GK5: variants seen among roughly 807,000 people sequenced by gnomAD.
GK5 encodes ATP:glycerol 3-phosphotransferase 5.
A neutral mutation model predicts 77.3 loss-of-function variants in GK5; 39 were observed. That is an observed-to-expected ratio of 0.50 (90% CI 0.39 to 0.66). The LOEUF is 0.66. Among genes scored for constraint, GK5 ranks in the 30% least tolerant of loss-of-function variants. The pLI is 0.00. For missense variants in GK5, 487 were observed against 633.8 expected, an observed-to-expected ratio of 0.77 and a Z score of 2.49; for synonymous variants, 211 against 208.0, an observed-to-expected ratio of 1.01 and a Z score of -0.13.
At chr3:142,216,064 C>T (rs538338261) in intron 1 of GK5, among the ~76,000 whole-genome samples, 34 of 152,130 alleles carry the variant, frequency 2.2e-4, no homozygotes, top group Non-Finnish European at 4.3e-4. Flanking sequence ...CTGTCTCTTC[C>T]GCTAAATACA....
chr3:142,171,399 T>G lies in GK5; in HGVS notation c.1307+20A>C. The G allele has an allele frequency of 6.8e-7, 1 of 1,469,626 alleles. No individual in the cohort carries two copies. Among genetic ancestry groups the G allele is most frequent in the Non-Finnish European group, 9.1e-7 (1 of 1,095,448 alleles). 91.0% of individuals were successfully genotyped at this position (1,469,626 alleles called of 1,614,324 possible). On this transcript the variant is annotated intron_variant, in intron 14 of 15. Transcript: ENST00000392993. Reference sequence around the variant, plus strand: ...ACTTCTAATTTCTAATTAAGTCTATTAGAAATAAACTTTACATACCGGATT... The same window carrying G: ...ACTTCTAATTTCTAATTAAGTCTATGAGAAATAAACTTTACATACCGGATT...
chr3:142,162,633 C>T lies in GK5; in HGVS notation c.*2989G>A, dbSNP rs949480642. On this transcript the variant is annotated 3_prime_UTR_variant, in exon 16 of 16. Transcript: ENST00000392993. ...ATAGATCTATAATGGGAAAATAAAA[C>T]ATGCTGAGAAGTAGCACAAATTTTT... 6.6e-6 allele frequency: 1 copy of T among 152,100 alleles called. No individual in the cohort carries two copies. Among genetic ancestry groups the T allele is most frequent in the East Asian group, 1.9e-4 (1 of 5,196 alleles). The allele number at this position is 152,100 out of a possible 1,614,324, so 9.4% of individuals were successfully genotyped here. A position where few individuals can be genotyped will look rare whatever the true frequency, so the allele number is the denominator to read the frequency against.
At position 142,204,683 on chromosome 3, in the gene GK5, G is replaced by GA. The variant is rs914733219; in HGVS notation, c.411+11dup. 2.2e-6 allele frequency: 3 copies of GA among 1,373,334 alleles called. No individual in the cohort carries two copies. The African/African-American group carries it at 4.3e-5, about 20-fold the overall frequency. The allele number at this position is 1,373,334 out of a possible 1,614,324, so 85.1% of individuals were successfully genotyped here. On this transcript the variant is annotated intron_variant, in intron 4 of 15. Coordinates refer to ENST00000392993, the MANE Select transcript of GK5 (RefSeq NM_001039547.3). The stretch of plus-strand genomic sequence containing the variant: ...AACCAACAATATCCAAATCACACAA[G>GA]AAAAAGATTACCTTCATAAGAAGAG...
At chr3:142,186,366 TTAAAAA>T in intron 7 of GK5, 80 bp downstream of exon 7, 1 of 1,017,954 alleles carries the variant, frequency 9.8e-7, no homozygotes, top group East Asian at 2.6e-5. Flanking sequence ...TATTTGTCAA[TTAAAAA>T]TAAACTAATT....
At chr3:142,176,481 T>C (rs942256781) in intron 12 of GK5, among the ~76,000 whole-genome samples, 27 of 152,022 alleles carry the variant, frequency 1.8e-4, no homozygotes, top group Admixed American at 6.6e-5. Context: ...AATAATATAC[T>C]TGAAAAGTTG....
intron 1 of GK5, among the ~76,000 whole-genome samples, chr3:142,219,585 A>G (rs947515804): frequency 6.6e-6 from 1 of 152,218 alleles, no homozygotes; most frequent in African/African-American, 2.4e-5. Flanking sequence ...AGATGTGACT[A>G]CAATAAAGTA....
At position 142,165,508 on chromosome 3, in the gene GK5, G is replaced by A. The variant is rs1250362642; in HGVS notation, c.*114C>T. 4.3e-6 allele frequency: 3 copies of A among 696,394 alleles called. No homozygotes were observed. Among genetic ancestry groups the A allele is most frequent in the Non-Finnish European group, 6.7e-6 (3 of 449,612 alleles). 43.1% of individuals were successfully genotyped at this position (696,394 alleles called of 1,614,324 possible). On this transcript the variant is annotated 3_prime_UTR_variant, in exon 16 of 16. Coordinates refer to ENST00000392993, the MANE Select transcript of GK5 (RefSeq NM_001039547.3). ...AAAGCAATGCTTCTTAAGTTATGAA[G>A]CTTATTTAAAATTTTCTCCTCTTAG...
intron 3 of GK5, among the ~76,000 whole-genome samples, chr3:142,206,258 A>G (rs1298999583): frequency 6.6e-6 from 1 of 151,990 alleles, no homozygotes; most frequent in Non-Finnish European, 1.5e-5. Flanking sequence ...TTTGTTTTCA[A>G]TTTTTTTAGG....
At chr3:142,166,260 A>G (rs560242946) in intron 15 of GK5, among the ~76,000 whole-genome samples, 32 of 152,222 alleles carry the variant, frequency 2.1e-4, no homozygotes, top group African/African-American at 7.5e-4. Flanking sequence ...AAATAGAAAA[A>G]CAGAAGAAAA....
intron 3 of GK5, among the ~76,000 whole-genome samples, chr3:142,208,217 T>G (rs929137067): frequency 3.3e-5 from 5 of 152,338 alleles, no homozygotes; most frequent in Admixed American, 3.3e-4. Flanking sequence ...TTTTCTACTT[T>G]GGAGAGTTCC....
At chr3:142,221,523 A>T (rs949990425) in intron 1 of GK5, among the ~76,000 whole-genome samples, 7 of 151,766 alleles carry the variant, frequency 4.6e-5, no homozygotes, top group Non-Finnish European at 8.8e-5. Flanking sequence ...ATAAAAGTTA[A>T]TTTTTTTTTA....
At chr3:142,197,293 G>A (rs1396772062) in intron 5 of GK5, among the ~76,000 whole-genome samples, 1 of 151,900 alleles carries the variant, frequency 6.6e-6, no homozygotes, top group Non-Finnish European at 1.5e-5. Context: ...TTCATGTATT[G>A]TGGACCTCTG....
At chr3:142,185,675 TAAAC>T in intron 9 of GK5, 1 of 1,321,572 alleles carries the variant, frequency 7.6e-7, no homozygotes, top group Non-Finnish European at 9.8e-7. Flanking sequence ...AGTTTTCTGA[TAAAC>T]AATATACAAG....
At position 142,177,372 on chromosome 3, in the gene GK5, T is replaced by TTC. The variant is rs757308123; in HGVS notation, c.1143+108_1143+109dup. ...CCCTAAAATCTACCTTTCATCTTAGTTCTGTTCAGTGCTCAAATTTTAAGG... is the reference window on the plus strand; with the variant it reads ...CCCTAAAATCTACCTTTCATCTTAGTTCTCTGTTCAGTGCTCAAATTTTAAGG... On this transcript the variant is annotated intron_variant, in intron 12 of 15. Transcript: ENST00000392993. 2.3e-4 allele frequency: 156 copies of TTC among 680,884 alleles called. No homozygotes were observed. The Middle Eastern group carries it at 2.5e-3, about 11-fold the overall frequency. The allele number at this position is 680,884 out of a possible 1,614,324, so 42.2% of individuals were successfully genotyped here.
At chr3:142,171,003 C>A (rs905982485) in intron 14 of GK5, among the ~76,000 whole-genome samples, 3 of 151,980 alleles carry the variant, frequency 2.0e-5, no homozygotes, top group Admixed American at 1.3e-4. Context: ...CTGAAGAGGG[C>A]GGATCACCTG....
At chr3:142,219,098 G>A (rs2064310485) in intron 1 of GK5, among the ~76,000 whole-genome samples, 1 of 152,178 alleles carries the variant, frequency 6.6e-6, no homozygotes, top group African/African-American at 2.4e-5. Context: ...CTGGAACTCT[G>A]ATACATTGTT....
rs776608486 is a variant in GK5 at position 142,213,529 on chromosome 3, T to C, written c.314A>G (p.Asn105Ser). The change falls in exon 3 of 16, where the codon AAC becomes AGC. Residue 105 changes from asparagine to serine, a missense_variant. Coordinates refer to ENST00000392993, the MANE Select transcript of GK5 (RefSeq NM_001039547.3). ...GCTTATCACAGAATGTACTTACTTG[T>C]TCCACGTAATAAAAGTTGCTCTCTG... is the stretch of plus-strand genomic sequence containing the variant. ...STQRATFITWNKKTGNHFHNF... is the reference protein window; with the variant it reads ...STQRATFITWSKKTGNHFHNF... The C allele has an allele frequency of 1.3e-6, 2 of 1,587,996 alleles. No individual in the cohort carries two copies. The highest frequency in any genetic ancestry group is 2.2e-5 in the South Asian group (2 of 90,626).
chr3:142,188,035 T>TA (rs1192507775), intron 5 of GK5, among the ~76,000 whole-genome samples: 1 of 152,140 alleles, frequency 6.6e-6, no homozygotes, highest in Non-Finnish European at 1.5e-5. Flanking sequence ...AAGCATGCGT[T>TA]AGTTACTTTT....
At chr3:142,194,278 C>A (rs2063898781) in intron 5 of GK5, among the ~76,000 whole-genome samples, 1 of 151,988 alleles carries the variant, frequency 6.6e-6, no homozygotes, top group Non-Finnish European at 1.5e-5. Context: ...GTAATCCCAG[C>A]ACTTTGGAAG....
Sources: allele counts gnomAD v4.1 joint callset (sites outside exome capture counted in the v4.1 genomes callset), GRCh38; gene constraint gnomAD v4.1.1; transcripts MANE v1.5; gene names NCBI Gene and HGNC (gene_info 2026-07-23, HGNC 2026-07-21).